The following TENM2 variants were observed in gnomAD, a reference collection of about 807,000 sequenced individuals.
TENM2 encodes the protein teneurin transmembrane protein 2, also known as teneurin-2.
TENM2 carries 52 observed loss-of-function variants against 245.2 expected under a neutral mutation model. The observed-to-expected ratio is 0.21, with a 90% CI of 0.17 to 0.27. TENM2 has a LOEUF of 0.27. Ranked by LOEUF, TENM2 falls within the 10% of genes least tolerant of loss-of-function variation. TENM2 has a pLI of 1.00. For synonymous variants in TENM2, 1,363 were observed against 1,438.9 expected (o/e 0.95, Z 1.19); for missense variants, 3,046 against 3,666.8 (o/e 0.83, Z 4.37).
At chr5:167,452,425 A>G (rs1561967598) in intron 2 of TENM2, among the ~76,000 whole-genome samples, 1 of 152,158 alleles carries the variant, frequency 6.6e-6, no homozygotes, top group African/African-American at 2.4e-5. Context: ...ATGGTTGGGA[A>G]CAGAAGTCCA....
chr5:167,543,120 T>A (rs1772320677), intron 2 of TENM2, among the ~76,000 whole-genome samples: 1 of 152,186 alleles, frequency 6.6e-6, no homozygotes, highest in Non-Finnish European at 1.5e-5. Flanking sequence ...CTAAGCTGGC[T>A]TCCAGGTGAT....
At chr5:167,389,663 A>G (rs1761644826) in intron 2 of TENM2, among the ~76,000 whole-genome samples, 1 of 152,140 alleles carries the variant, frequency 6.6e-6, no homozygotes, top group African/African-American at 2.4e-5. Flanking sequence ...TGTTTTCTTA[A>G]GATGAATTCC....
intron 2 of TENM2, among the ~76,000 whole-genome samples, chr5:167,631,426 A>G (rs1778865142): frequency 6.6e-6 from 1 of 152,158 alleles, no homozygotes; most frequent in Admixed American, 6.5e-5. Flanking sequence ...GTCTTAGTAT[A>G]GAACCTGTTG....
At chr5:167,475,578 T>A (rs1767318629) in intron 2 of TENM2, among the ~76,000 whole-genome samples, 1 of 152,152 alleles carries the variant, frequency 6.6e-6, no homozygotes, top group Non-Finnish European at 1.5e-5. Context: ...GCTGCACCTG[T>A]CAACCCATCA....
chr5:168,084,534 C>G (rs1053668956), intron 7 of TENM2, among the ~76,000 whole-genome samples: 1 of 152,180 alleles, frequency 6.6e-6, no homozygotes, highest in Non-Finnish European at 1.5e-5. Context: ...GAAGCCCTCT[C>G]TTAGGTCATG....
chr5:167,213,317 G>A, the TENM2 span, among the ~76,000 whole-genome samples: 104 of 152,332 alleles, frequency 6.8e-4, no homozygotes, highest in Middle Eastern at 3.4e-3. Context: ...TCCTTGCAGA[G>A]TTGGAGGCTG....
chr5:167,027,928 G>C, the TENM2 span, among the ~76,000 whole-genome samples: 1 of 151,796 alleles, frequency 6.6e-6, no homozygotes, highest in Non-Finnish European at 1.5e-5. Flanking sequence ...AAATTAGCCG[G>C]GCCTTGGTGG....
chr5:167,857,030 A>G (rs556250559), intron 2 of TENM2, among the ~76,000 whole-genome samples: 1 of 152,338 alleles, frequency 6.6e-6, no homozygotes, highest in East Asian at 1.9e-4. Flanking sequence ...AGATTCCGCA[A>G]CCACCTAGAG....
intron 2 of TENM2, among the ~76,000 whole-genome samples, chr5:167,471,276 AT>A (rs1767012271): frequency 6.6e-6 from 1 of 152,170 alleles, no homozygotes; most frequent in Non-Finnish European, 1.5e-5. Flanking sequence ...AAGTACAATC[AT>A]TTTGTTTCCC....
In TENM2 at chr5:168,245,023, T is replaced by C. The variant is rs1766424125; in HGVS notation, c.5817+307T>C. On this transcript the variant is annotated intron_variant, in intron 26 of 28. Coordinates refer to ENST00000518659, the Ensembl canonical transcript of TENM2. Reference sequence around the variant, plus strand: ...CCTCAGGTGATCGCCCACCTCAGCCTCCCAAAGTGCTGGGATTACAGGTAT... The same window carrying C: ...CCTCAGGTGATCGCCCACCTCAGCCCCCCAAAGTGCTGGGATTACAGGTAT... 2.0e-5 allele frequency among the ~76,000 whole-genome samples: 3 copies of C among 152,044 alleles called. No individual in the cohort carries two copies. The South Asian group carries it at 6.2e-4, about 32-fold the overall frequency.
At chr5:167,251,814 A>G in the TENM2 span, among the ~76,000 whole-genome samples, 4 of 152,164 alleles carry the variant, frequency 2.6e-5, no homozygotes, top group Non-Finnish European at 4.4e-5. Context: ...TACTTTGGGC[A>G]TAATGTTGTT....
At chr5:167,498,675 C>T (rs368319484) in intron 2 of TENM2, among the ~76,000 whole-genome samples, 20 of 152,104 alleles carry the variant, frequency 1.3e-4, no homozygotes, top group South Asian at 6.2e-4. Context: ...CCACCCCGTG[C>T]GGCATCACAC....
chr5:167,033,542 A>G, the TENM2 span, among the ~76,000 whole-genome samples: 1 of 152,142 alleles, frequency 6.6e-6, no homozygotes, highest in Non-Finnish European at 1.5e-5. Context: ...TTTGTTGGCA[A>G]TTTTGCTTGA....
At chr5:167,162,942 A>T in the TENM2 span, among the ~76,000 whole-genome samples, 1 of 152,098 alleles carries the variant, frequency 6.6e-6, no homozygotes, top group Non-Finnish European at 1.5e-5. Flanking sequence ...TCTCAATTGA[A>T]TGGGTAGAAT....
chr5:167,421,146 A>G (rs1763480053), intron 2 of TENM2, among the ~76,000 whole-genome samples: 1 of 152,190 alleles, frequency 6.6e-6, no homozygotes, highest in Non-Finnish European at 1.5e-5. Context: ...AGTATTTGCT[A>G]ATTAACTAAC....
At chr5:167,560,470 G>T (rs949437244) in intron 2 of TENM2, among the ~76,000 whole-genome samples, 1 of 152,108 alleles carries the variant, frequency 6.6e-6, no homozygotes, top group Non-Finnish European at 1.5e-5. Context: ...TAACCACAGG[G>T]AGAGTGGTAG....
chr5:167,972,573 T>C (rs1781869883), intron 4 of TENM2, among the ~76,000 whole-genome samples: 1 of 152,220 alleles, frequency 6.6e-6, no homozygotes, highest in Non-Finnish European at 1.5e-5. Flanking sequence ...ATTCAAAAGT[T>C]AAATTCCTGG....
At chr5:167,850,945 T>G (rs1279995260) in intron 2 of TENM2, among the ~76,000 whole-genome samples, 5 of 152,238 alleles carry the variant, frequency 3.3e-5, no homozygotes, top group African/African-American at 1.2e-4. Context: ...CTCATGTTCA[T>G]TCACGAAGCT....
At chr5:167,088,634 A>T in the TENM2 span, among the ~76,000 whole-genome samples, 1 of 136,294 alleles carries the variant, frequency 7.3e-6, no homozygotes, top group Non-Finnish European at 1.7e-5. Flanking sequence ...TCTTTTAAAA[A>T]AACAAAAGAA....
Sources: gnomAD v4.1 joint callset for allele counts (sites outside exome capture counted in the v4.1 genomes callset) on GRCh38, gnomAD v4.1.1 for gene constraint, MANE v1.5 for transcripts, NCBI Gene and HGNC (gene_info 2026-07-23, HGNC 2026-07-21) for gene names.